The following LRRC4C variants were observed in gnomAD, a reference collection of about 807,000 sequenced individuals.
The protein encoded by LRRC4C is leucine-rich repeat-containing protein 4C.
A neutral mutation model predicts 33.6 loss-of-function variants in LRRC4C; 5 were observed. That is an observed-to-expected ratio of 0.15 (90% CI 0.08 to 0.31). LRRC4C has a LOEUF of 0.31. Among genes scored for constraint, LRRC4C ranks in the 10% least tolerant of loss-of-function variants. The probability of loss-of-function intolerance (pLI) is 1.00; values close to 1 mark genes in which losing one functional copy is unlikely to be tolerated. For missense variants in LRRC4C, 560 were observed against 796.7 expected (o/e 0.70, Z 3.58); for synonymous variants, 329 against 302.0 (o/e 1.09, Z -0.93).
At chr11:40,806,802 A>C (rs995210208) in intron 2 of LRRC4C, among the ~76,000 whole-genome samples, 16 of 152,190 alleles carry the variant, frequency 1.1e-4, no homozygotes, top group Non-Finnish European at 2.4e-4. Context: ...AGTATTTCTC[A>C]AAAACATACC....
At chr11:40,708,048 G>A (rs905768127) in intron 2 of LRRC4C, among the ~76,000 whole-genome samples, 5 of 151,960 alleles carry the variant, frequency 3.3e-5, no homozygotes, top group Non-Finnish European at 5.9e-5. Flanking sequence ...CTGTGGGATC[G>A]GTGGTGACAT....
intron 1 of LRRC4C, among the ~76,000 whole-genome samples, chr11:41,457,111 TG>T (rs1304364570): frequency 4.5e-4 from 69 of 152,240 alleles, no homozygotes; most frequent in African/African-American, 1.7e-3. Context: ...TTGTTGTTGT[TG>T]TTTTGTTTTG....
intron 3 of LRRC4C, among the ~76,000 whole-genome samples, chr11:40,473,382 G>A (rs543706399): frequency 2.4e-3 from 359 of 152,052 alleles, no homozygotes; most frequent in African/African-American, 8.0e-3. Context: ...TGCAGAAAAG[G>A]CCTTCCATAA....
intron 3 of LRRC4C, among the ~76,000 whole-genome samples, chr11:40,586,186 T>C (rs1453302741): frequency 6.6e-6 from 1 of 151,308 alleles, no homozygotes; most frequent in African/African-American, 2.4e-5. Flanking sequence ...TGAGATGGTA[T>C]CTCATTGTGG....
At chr11:41,209,879 G>C (rs1021447482) in intron 1 of LRRC4C, among the ~76,000 whole-genome samples, 2 of 152,024 alleles carry the variant, frequency 1.3e-5, no homozygotes, top group Non-Finnish European at 2.9e-5. Context: ...GGTTTAAAAG[G>C]GGGTAATTAA....
intron 3 of LRRC4C, among the ~76,000 whole-genome samples, chr11:40,561,707 C>T (rs1032023375): frequency 3.9e-5 from 6 of 152,064 alleles, no homozygotes; most frequent in African/African-American, 4.8e-5. Context: ...CCACCGCGCC[C>T]GGCCCGTTGT....
intron 1 of LRRC4C, among the ~76,000 whole-genome samples, chr11:41,298,952 T>C (rs1212872698): frequency 6.6e-6 from 1 of 152,200 alleles, no homozygotes; most frequent in Non-Finnish European, 1.5e-5. Context: ...ACCATCCATG[T>C]TGCTGCAAAA....
intron 3 of LRRC4C, among the ~76,000 whole-genome samples, chr11:40,500,640 G>T (rs1265135287): frequency 1.3e-5 from 2 of 151,878 alleles, no homozygotes; most frequent in African/African-American, 4.8e-5. Flanking sequence ...AGTACCACAG[G>T]TACAGTACGG....
chr11:40,866,774 T>C (rs1954389723), intron 2 of LRRC4C, among the ~76,000 whole-genome samples: 1 of 152,178 alleles, frequency 6.6e-6, no homozygotes, highest in South Asian at 2.1e-4. Context: ...TGTAGCACAA[T>C]GACAACATTA....
At chr11:41,202,415 T>C (rs901663624) in intron 1 of LRRC4C, among the ~76,000 whole-genome samples, 8 of 152,184 alleles carry the variant, frequency 5.3e-5, no homozygotes, top group African/African-American at 1.9e-4. Context: ...TGAAGCTCTT[T>C]TTGTATTAAC....
rs569413766 is a variant in LRRC4C at position 41,373,674 on chromosome 11, A to C, written c.-496+85757T>G. ...ATGATCTTTTCACTGTGTAAATTTC[A>C]GAATTCTAAAAATATAAAGATACCG... On this transcript the variant is annotated intron_variant, in intron 1 of 6. Transcript: ENST00000528697. Among the ~76,000 whole-genome samples, 4 of 152,318 alleles carry C rather than the reference A, an allele frequency of 2.6e-5. No individual in the cohort carries two copies. In the South Asian group the frequency reaches 8.3e-4, roughly 32 times the overall value.
At chr11:40,550,063 G>A (rs117260012) in intron 3 of LRRC4C, among the ~76,000 whole-genome samples, 2 of 152,014 alleles carry the variant, frequency 1.3e-5, no homozygotes, top group African/African-American at 2.4e-5. Flanking sequence ...ACCTAGAACT[G>A]TAATTTAATA....
At chr11:40,961,314 C>T (rs1850963027) in intron 1 of LRRC4C, among the ~76,000 whole-genome samples, 1 of 151,582 alleles carries the variant, frequency 6.6e-6, no homozygotes, top group Non-Finnish European at 1.5e-5. Flanking sequence ...CAGAGTTGTT[C>T]TATTTTGCCT....
chr11:40,258,848 A>G (rs913011368), intron 4 of LRRC4C, among the ~76,000 whole-genome samples: 4 of 152,224 alleles, frequency 2.6e-5, no homozygotes, highest in Non-Finnish European at 5.9e-5. Flanking sequence ...CCCTATGCCA[A>G]TAAACCAACG....
At chr11:41,278,007 C>T (rs988085601) in intron 1 of LRRC4C, among the ~76,000 whole-genome samples, 4 of 151,924 alleles carry the variant, frequency 2.6e-5, no homozygotes, top group African/African-American at 9.7e-5. Context: ...GTAGAGAGTA[C>T]AATGGTGGTT....
intron 2 of LRRC4C, among the ~76,000 whole-genome samples, chr11:40,685,075 C>G (rs1312354753): frequency 3.9e-5 from 6 of 151,914 alleles, no homozygotes; most frequent in Middle Eastern, 3.2e-3. Flanking sequence ...TTCACACTTT[C>G]TAATACTCAG....
At chr11:40,926,032 A>C (rs1957394741) in intron 2 of LRRC4C, among the ~76,000 whole-genome samples, 1 of 151,820 alleles carries the variant, frequency 6.6e-6, no homozygotes, top group Non-Finnish European at 1.5e-5. Flanking sequence ...CACCTGCTAA[A>C]AGGTGTTTTT....
chr11:40,953,650 T>C (rs1958821722), intron 1 of LRRC4C, among the ~76,000 whole-genome samples: 1 of 151,830 alleles, frequency 6.6e-6, no homozygotes, highest in African/African-American at 2.4e-5. Flanking sequence ...TGATGTTCAT[T>C]ACATCAAAAA....
chr11:40,936,336 G>GC (rs1957895959), intron 1 of LRRC4C, among the ~76,000 whole-genome samples: 1 of 112,722 alleles, frequency 8.9e-6, no homozygotes, highest in Non-Finnish European at 1.8e-5. Context: ...TCTAACACTT[G>GC]TTTTTTTTTT....
Sources: gnomAD v4.1 joint callset for allele counts (sites outside exome capture counted in the v4.1 genomes callset) on GRCh38, gnomAD v4.1.1 for gene constraint, MANE v1.5 for transcripts, NCBI Gene and HGNC (gene_info 2026-07-23, HGNC 2026-07-21) for gene names.